Variants in HS3ST4 observed in about 807,000 individuals in gnomAD.
HS3ST4 encodes heparan sulfate glucosamine 3-O-sulfotransferase 4.
In HS3ST4, 17 loss-of-function variants were observed where a neutral mutation model predicts 29.2. The ratio of observed to expected loss-of-function variants is 0.58; its 90% CI spans 0.40 to 0.87. The LOEUF is 0.87. HS3ST4 is among the 40% of genes least tolerant of loss of function. The probability of loss-of-function intolerance (pLI) is 0.00; values close to 1 mark genes in which losing one functional copy is unlikely to be tolerated. For missense variants in HS3ST4, 627 were observed against 634.5 expected (o/e 0.99, Z 0.13); for synonymous variants, 314 against 285.7 (o/e 1.10, Z -1.00).
chr16:25,736,210 G>GC (rs1311967635), intron 1 of HS3ST4, among the ~76,000 whole-genome samples: 1 of 152,170 alleles, frequency 6.6e-6, no homozygotes, highest in Non-Finnish European at 1.5e-5. Context: ...AATTGGAATG[G>GC]CATTCATAAC....
chr16:25,775,029 T>C (rs1443955975), intron 1 of HS3ST4, among the ~76,000 whole-genome samples: 2 of 152,226 alleles, frequency 1.3e-5, no homozygotes, highest in African/African-American at 4.8e-5. Flanking sequence ...GTGTTATTTA[T>C]GCAGGGGCCT....
At chr16:26,044,016 A>C (rs1264014403) in intron 1 of HS3ST4, among the ~76,000 whole-genome samples, 2 of 152,222 alleles carry the variant, frequency 1.3e-5, no homozygotes, top group Non-Finnish European at 2.9e-5. Flanking sequence ...CAGCATAGGA[A>C]ATTGAAGCAC....
chr16:25,909,276 C>T (rs1968211998), intron 1 of HS3ST4, among the ~76,000 whole-genome samples: 1 of 151,986 alleles, frequency 6.6e-6, no homozygotes. Context: ...GCAACCTCCA[C>T]CTCCAGGACT....
At chr16:25,891,366 G>A (rs114385110) in intron 1 of HS3ST4, among the ~76,000 whole-genome samples, 1,748 of 152,230 alleles carry the variant, frequency 0.011, 40 homozygotes, top group African/African-American at 0.04. Flanking sequence ...TTAGGAGGGC[G>A]TCTCTGCTTC....
At chr16:25,768,488 A>G (rs4072742) in intron 1 of HS3ST4, among the ~76,000 whole-genome samples, 75,636 of 151,806 alleles carry the variant, frequency 0.5, 20,152 homozygotes, top group Non-Finnish European at 0.61. Flanking sequence ...AGGGGATCTC[A>G]CCAGGTGTGA....
At chr16:26,113,432 T>C (rs1190127213) in intron 1 of HS3ST4, among the ~76,000 whole-genome samples, 1 of 120,074 alleles carries the variant, frequency 8.3e-6, no homozygotes, top group South Asian at 2.8e-4. Context: ...GGCAACAGAG[T>C]GAGACTCTGT....
chr16:25,950,103 A>T (rs1968668455), intron 1 of HS3ST4, among the ~76,000 whole-genome samples: 1 of 152,160 alleles, frequency 6.6e-6, no homozygotes, highest in African/African-American at 2.4e-5. Flanking sequence ...TCCCTGACCT[A>T]AATTTTGGAG....
intron 1 of HS3ST4, among the ~76,000 whole-genome samples, chr16:25,761,588 C>G (rs980955730): frequency 2.0e-4 from 30 of 152,270 alleles, no homozygotes; most frequent in African/African-American, 6.3e-4. Context: ...CCACATCAGC[C>G]TAACATGAAG....
chr16:25,717,840 A>G (rs1234916375), intron 1 of HS3ST4, among the ~76,000 whole-genome samples: 1 of 152,112 alleles, frequency 6.6e-6, no homozygotes, highest in Admixed American at 6.5e-5. Flanking sequence ...TATGTGGGCA[A>G]TGGATAGGAG....
At chr16:26,063,714 A>T (rs1170291126) in intron 1 of HS3ST4, among the ~76,000 whole-genome samples, 6 of 152,062 alleles carry the variant, frequency 3.9e-5, no homozygotes, top group Non-Finnish European at 2.9e-5. Flanking sequence ...ATAAAGAAAG[A>T]AAATGGGTAG....
intron 1 of HS3ST4, among the ~76,000 whole-genome samples, chr16:25,719,856 G>T (rs1200529639): frequency 6.6e-6 from 1 of 152,112 alleles, no homozygotes; most frequent in Non-Finnish European, 1.5e-5. Context: ...CTGTTCACCA[G>T]ACACTGTTGT....
intron 1 of HS3ST4, among the ~76,000 whole-genome samples, chr16:25,862,162 C>T (rs28558857): frequency 9.8e-6 from 1 of 101,628 alleles, no homozygotes; most frequent in Non-Finnish European, 2.1e-5. Flanking sequence ...TATTTATTTA[C>T]ATATTTATTT....
At chr16:26,023,671 G>A (rs1490051412) in intron 1 of HS3ST4, among the ~76,000 whole-genome samples, 3 of 151,966 alleles carry the variant, frequency 2.0e-5, no homozygotes, top group Admixed American at 2.0e-4. Flanking sequence ...CTCCTAATGT[G>A]CTGGGATTTA....
chr16:25,708,688 A>G (rs1966393065), intron 1 of HS3ST4, among the ~76,000 whole-genome samples: 1 of 152,198 alleles, frequency 6.6e-6, no homozygotes, highest in African/African-American at 2.4e-5. Context: ...CTCAATGAGA[A>G]CCATGGATTT....
chr16:25,775,284 G>C (rs1316116938), intron 1 of HS3ST4, among the ~76,000 whole-genome samples: 1 of 152,168 alleles, frequency 6.6e-6, no homozygotes. Context: ...TGTGTCTGCA[G>C]GATGAGCAGC....
intron 1 of HS3ST4, among the ~76,000 whole-genome samples, chr16:26,060,755 A>T (rs549884960): frequency 6.6e-6 from 1 of 152,206 alleles, no homozygotes; most frequent in East Asian, 1.9e-4. Context: ...AGCAGTTTCT[A>T]TTTCTCTTTG....
rs958713046 is a variant in HS3ST4, at chr16:25,692,379, T to TGCC, written c.-18_-16dup. ...ACCATGTCCGGGCAGCGCCGGGGGC[T>TGCC]GCCGCCGCCGCCGCCGCCGCCGCGA... On this transcript the variant is annotated 5_prime_UTR_variant, in exon 1 of 2. Coordinates refer to ENST00000331351, the MANE Select transcript of HS3ST4 (RefSeq NM_006040.3). 3.3e-4 allele frequency: 157 copies of TGCC among 477,818 alleles called. No individual in the cohort carries two copies. The highest frequency in any genetic ancestry group is 2.0e-3 in the Middle Eastern group (2 of 980). The allele number at this position is 477,818 out of a possible 1,614,324, so 29.6% of individuals were successfully genotyped here.
chr16:26,086,591 C>T lies in HS3ST4; in HGVS notation c.735-49021C>T, dbSNP rs559698101. 3.7e-4 allele frequency among the ~76,000 whole-genome samples: 57 copies of T among 152,178 alleles called. No individual in the cohort carries two copies. In the South Asian group the frequency reaches 6.2e-3, roughly 17 times the overall value. ...GTCTTGATCTCCCGACCTCGTGATC[C>T]GCCTGCCTCGGCCTCCCAAAGTGCT... On this transcript the variant is annotated intron_variant, in intron 1 of 1. Transcript: ENST00000331351.
intron 1 of HS3ST4, among the ~76,000 whole-genome samples, chr16:25,889,774 C>T (rs1967989236): frequency 6.6e-6 from 1 of 152,144 alleles, no homozygotes; most frequent in African/African-American, 2.4e-5. Context: ...TTGTAATAAT[C>T]CCCACATGTC....
Sources: allele counts gnomAD v4.1 joint callset (sites outside exome capture counted in the v4.1 genomes callset), GRCh38; gene constraint gnomAD v4.1.1; transcripts MANE v1.5; gene names NCBI Gene and HGNC (gene_info 2026-07-23, HGNC 2026-07-21).